The following TLE2 variants were observed in gnomAD, a reference collection of about 807,000 sequenced individuals.
TLE2 encodes transducin-like enhancer protein 2.
Under a neutral mutation model 97.2 loss-of-function variants are expected in TLE2, and 74 were observed. That is an observed-to-expected ratio of 0.76 (90% CI 0.63 to 0.92). The LOEUF is 0.92. TLE2 is among the 40% of genes least tolerant of loss of function. The pLI, the probability that TLE2 is intolerant of heterozygous loss-of-function variation, is 0.00. For synonymous variants in TLE2, 499 were observed against 432.1 expected, an observed-to-expected ratio of 1.15 and a Z score of -1.92; for missense variants, 1,038 against 1,008.7, an observed-to-expected ratio of 1.03 and a Z score of -0.39.
At position 3,017,870 on chromosome 19, in the gene TLE2, G is replaced by A; in HGVS notation, c.551-11C>T. ...TCGGGGCTCTCTCCACTGACAGATT[G>A]GGAATGGGATAAAGAGAAAGAAGGA... On this transcript the variant is annotated splice_polypyrimidine_tract_variant and intron_variant, in intron 7 of 19. Transcript: ENST00000262953. 2.5e-6 allele frequency: 4 copies of A among 1,612,210 alleles called. No individual in the cohort carries two copies. Among genetic ancestry groups the A allele is most frequent in the Non-Finnish European group, 3.4e-6 (4 of 1,179,094 alleles).
rs377222483 is a variant in TLE2, at chr19:3,025,049, C to T, written c.265G>A (p.Ala89Thr). ...TGGGTCAGGAAGGGGATAATCTGAGCGCAGATACCGCTCAGACGCTTCACA... is the reference window on the plus strand; with the variant it reads ...TGGGTCAGGAAGGGGATAATCTGAGTGCAGATACCGCTCAGACGCTTCACA... ...EIVKRLSGIC[A>T]QIIPFLTQEH... The change falls in exon 5 of 20, where the codon GCT (alanine) becomes ACT (threonine). Residue 89 changes from alanine to threonine, a missense_variant. Ala to Thr is a moderately conservative substitution (Grantham distance 58, BLOSUM62 0). Coordinates refer to ENST00000262953, the MANE Select transcript of TLE2 (RefSeq NM_003260.5). 4.4e-5 allele frequency: 70 copies of T among 1,604,758 alleles called. No individual in the cohort carries two copies. Among genetic ancestry groups the T allele is most frequent in the Middle Eastern group, 3.3e-4 (2 of 6,050 alleles).
At chr19:3,032,214 G>A (rs2090030847), upstream of TLE2, among the ~76,000 whole-genome samples, 1 of 151,550 alleles carries the variant, frequency 6.6e-6, no homozygotes. This position sits in a 1 kb window ranked among gnomAD's most constrained non-coding sequence, Gnocchi z 4.1. Context: ...TTACAGGCGT[G>A]AGCTACCATG....
intron 2 of TLE2, 26 bp from the exon 3 acceptor site, chr19:3,028,408 G>A (rs919510150): frequency 2.5e-6 from 4 of 1,577,308 alleles, no homozygotes; most frequent in Non-Finnish European, 3.4e-6. Context: ...AGGGCAAGGG[G>A]CTCCCACCCG....
Position 3,019,985 on chromosome 19 carries a change from GA to G in TLE2, c.295-213del. 4.4e-6 allele frequency: 3 copies of G among 675,104 alleles called. No individual in the cohort carries two copies. The highest frequency in any genetic ancestry group is 7.4e-6 in the Non-Finnish European group (3 of 406,816). The allele number at this position is 675,104 out of a possible 1,614,324, so 41.8% of individuals were successfully genotyped here. On this transcript the variant is annotated intron_variant, in intron 5 of 19. Transcript: ENST00000262953. This position sits in a 1 kb window ranked among gnomAD's most constrained non-coding sequence, Gnocchi z 5.1. ...AAGAAACCAAACCTAAGTGCAGGTAGAATAGTTACAAATCAGGCCGGGCATG... is the reference window on the plus strand; with the variant it reads ...AAGAAACCAAACCTAAGTGCAGGTAGATAGTTACAAATCAGGCCGGGCATG...
At chr19:3,008,040 C>T (rs1374754603) in intron 14 of TLE2, among the ~76,000 whole-genome samples, 1 of 152,146 alleles carries the variant, frequency 6.6e-6, no homozygotes, top group Non-Finnish European at 1.5e-5. Context: ...TCAGATCTCA[C>T]CACCGTACTC....
rs1006183992 is a variant in TLE2 at position 3,006,345 on chromosome 19, C to T, written c.1500+75G>A. ...TGTAGCCCCACCCACGGCCAGCCTG[C>T]GAACACCGCCCCATTGGAACATAAG... On this transcript the variant is annotated intron_variant, in intron 15 of 19. Coordinates refer to ENST00000262953, the MANE Select transcript of TLE2 (RefSeq NM_003260.5). 1.1e-5 allele frequency: 17 copies of T among 1,545,610 alleles called. No individual in the cohort carries two copies. In the Admixed American group the frequency reaches 1.8e-4, roughly 16 times the overall value.
intron 1 of TLE2, among the ~76,000 whole-genome samples, chr19:3,043,643 C>CAA (rs35442589): frequency 8.3e-6 from 1 of 120,544 alleles, no homozygotes; most frequent in Non-Finnish European, 1.8e-5. Flanking sequence ...ACTAAAAATA[C>CAA]AAAAAAAAAA....
At chr19:3,044,581 G>A (rs868715515) in intron 1 of TLE2, among the ~76,000 whole-genome samples, 5 of 152,124 alleles carry the variant, frequency 3.3e-5, no homozygotes, top group Non-Finnish European at 4.4e-5. Context: ...CACCACGCCC[G>A]GCTAATTTTT....
rs944683831 is a variant in TLE2, at chr19:3,011,025, C to T, written c.1009G>A (p.Val337Ile). The T allele has an allele frequency of 3.1e-6, 5 of 1,604,334 alleles. No homozygotes were observed. Among genetic ancestry groups the T allele is most frequent in the Admixed American group, 1.7e-5 (1 of 58,540 alleles). The change falls in exon 12 of 20, where the codon GTC becomes ATC. Residue 337 changes from valine to isoleucine, a missense_variant. Physicochemically the swap from Val to Ile is conservative, Grantham distance 29. Coordinates refer to ENST00000262953, the MANE Select transcript of TLE2 (RefSeq NM_003260.5). ...CACCAACAGGCAAGGTGCTCACCGA[C>T]GCTGTCCGTGGAAGGTGCTGGCTTG... Reference protein sequence around the residue: ...AAKPAPSTDSVALRSPLTLSS... With the variant: ...AAKPAPSTDSIALRSPLTLSS...
intron 5 of TLE2, among the ~76,000 whole-genome samples, chr19:3,020,772 T>A (rs2089821205): frequency 6.6e-6 from 1 of 152,004 alleles, no homozygotes; most frequent in South Asian, 2.1e-4. Flanking sequence ...TTCAGAGCTG[T>A]GGGACTCTGC....
At chr19:3,039,619 T>C (rs1568255932) in intron 1 of TLE2, among the ~76,000 whole-genome samples, 1 of 152,160 alleles carries the variant, frequency 6.6e-6, no homozygotes, top group South Asian at 2.1e-4. Flanking sequence ...GAACACATAC[T>C]ATCTGCTCCC....
chr19:3,024,302 G>A (rs2089902769), intron 5 of TLE2, among the ~76,000 whole-genome samples: 1 of 151,956 alleles, frequency 6.6e-6, no homozygotes, highest in Admixed American at 6.6e-5. Flanking sequence ...CACCGCACCT[G>A]GCCGAATTAC....
At position 3,042,675 on chromosome 19, in the gene TLE2, T is replaced by G. The variant is rs531765971; in HGVS notation, c.63+3051A>C. ...ATTGTTGGATAATCTGTTTCAAACCTGAGTTCTATTTGCTTCATATTAGGG... is the reference window on the plus strand; with the variant it reads ...ATTGTTGGATAATCTGTTTCAAACCGGAGTTCTATTTGCTTCATATTAGGG... On this transcript the variant is annotated intron_variant, in intron 1 of 18. Transcript: ENST00000426948. Among the ~76,000 whole-genome samples, 8 of 151,082 alleles carry G rather than the reference T, an allele frequency of 5.3e-5. 1 individual carries two copies. Among genetic ancestry groups the G allele is most frequent in the African/African-American group, 1.9e-4 (8 of 41,180 alleles).
chr19:3,043,977 C>G (rs1339500491), intron 1 of TLE2, among the ~76,000 whole-genome samples: 1 of 151,858 alleles, frequency 6.6e-6, no homozygotes, highest in Non-Finnish European at 1.5e-5. Flanking sequence ...GAGCAAGACT[C>G]TGTCTCAAAA....
chr19:3,040,022 C>T (rs2090088581), intron 1 of TLE2, among the ~76,000 whole-genome samples: 1 of 152,234 alleles, frequency 6.6e-6, no homozygotes, highest in South Asian at 2.1e-4. Flanking sequence ...TGTGTGCGGC[C>T]CAGCGGGGAC....
intron 1 of TLE2, among the ~76,000 whole-genome samples, chr19:3,037,234 G>A (rs374588030): frequency 1.3e-5 from 2 of 152,160 alleles, no homozygotes; most frequent in African/African-American, 2.4e-5. Flanking sequence ...GCAGTGAGCC[G>A]AGTTCGCGCC....
intron 10 of TLE2, 116 bp downstream of exon 10, chr19:3,014,454 C>A: frequency 9.9e-7 from 1 of 1,009,874 alleles, no homozygotes; most frequent in Non-Finnish European, 1.3e-6. Context: ...CCCATCCCAG[C>A]TGTCCCACAG....
chr19:3,044,152 G>A (rs1467578371), intron 1 of TLE2, among the ~76,000 whole-genome samples: 3 of 150,900 alleles, frequency 2.0e-5, no homozygotes, highest in Admixed American at 6.6e-5. Flanking sequence ...CAGCCTGGGC[G>A]ACAGAGACTC....
At position 2,998,013 on chromosome 19, in the gene TLE2, T is replaced by C. The variant is rs974073132; in HGVS notation, c.2125-58A>G. 1.8e-5 allele frequency: 23 copies of C among 1,305,244 alleles called. No homozygotes were observed. The African/African-American group carries it at 2.8e-4, about 16-fold the overall frequency. 80.9% of individuals were successfully genotyped at this position (1,305,244 alleles called of 1,614,324 possible). On this transcript the variant is annotated intron_variant, in intron 19 of 19. Coordinates refer to ENST00000262953, the MANE Select transcript of TLE2 (RefSeq NM_003260.5). ...GTGAGGCATGGTCCCCACAGATGGG[T>C]GTGTGGGCAAGGCTGGGGCGGAGTC...
Sources: gnomAD v4.1 joint callset for allele counts (sites outside exome capture counted in the v4.1 genomes callset) on GRCh38, gnomAD v4.1.1 for gene constraint, Gnocchi (gnomAD v3.1) non-coding constraint, MANE v1.5 for transcripts, NCBI Gene and HGNC (gene_info 2026-07-23, HGNC 2026-07-21) for gene names.